The following KCTD1 variants were observed in gnomAD, a reference collection of about 807,000 sequenced individuals.
The protein encoded by KCTD1 is BTB/POZ domain-containing protein KCTD1.
Under a neutral mutation model 66.0 loss-of-function variants are expected in KCTD1, and 24 were observed. That is an observed-to-expected ratio of 0.36 (90% confidence interval 0.26 to 0.51). The LOEUF (loss-of-function observed/expected upper bound fraction) is 0.51, where lower values mean the gene tolerates loss of function less well. KCTD1 is among the 20% of genes least tolerant of loss of function. The probability of loss-of-function intolerance (pLI) is 0.95; values close to 1 mark genes in which losing one functional copy is unlikely to be tolerated. For synonymous variants in KCTD1, 511 were observed against 517.2 expected (o/e 0.99, Z 0.16); for missense variants, 943 against 1,205.2 (o/e 0.78, Z 3.22).
In KCTD1 at chr18:26,546,979, T is replaced by C. The variant is rs1246558994; in HGVS notation, c.1558A>G (p.Ser520Gly). The change falls in exon 1 of 5, where the codon AGC becomes GGC. Residue 520 changes from serine to glycine, a missense_variant. Around this residue, in one of 10 missense-constraint regions of KCTD1, gnomAD observed 197 missense variants for 182.7 expected, o/e 1.08. Transcript: ENST00000580059. ...GATTTCACGTCGGGCCCGACCTGGC[T>C]GTCTTTGGGGAGGATGTAAGTGTTC... ...LGNTYILPKD[S>G]QVGPDVKSEA... 6.8e-7 allele frequency: 1 copy of C among 1,471,350 alleles called. No homozygotes were observed. Among genetic ancestry groups the C allele is most frequent in the South Asian group, 1.4e-5 (1 of 72,556 alleles). 91.1% of individuals were successfully genotyped at this position (1,471,350 alleles called of 1,614,324 possible). A position where few individuals can be genotyped will look rare whatever the true frequency, so the allele number is the denominator to read the frequency against.
intron 1 of KCTD1, among the ~76,000 whole-genome samples, chr18:26,585,938 G>T (rs1193126174): frequency 3.3e-5 from 5 of 152,158 alleles, no homozygotes; most frequent in Admixed American, 1.3e-4. Context: ...TATAGTCCTA[G>T]CTACCTGGCA....
intron 1 of KCTD1, among the ~76,000 whole-genome samples, chr18:26,592,919 A>G (rs1986641972): frequency 1.3e-5 from 2 of 152,254 alleles, no homozygotes; most frequent in South Asian, 4.1e-4. Context: ...GTGACATAGT[A>G]TTTTGCAGGA....
rs1387592626 is a variant in KCTD1, at chr18:26,562,438, G to A, written c.-15-61188C>T. 5.8e-5 allele frequency among the ~76,000 whole-genome samples: 8 copies of A among 137,410 alleles called. No homozygotes were observed. In the East Asian group the frequency reaches 1.8e-3, roughly 32 times the overall value. 90.1% of individuals were successfully genotyped at this position (137,410 alleles called of 152,430 possible). On this transcript the variant is annotated intron_variant, in intron 1 of 4. Transcript: ENST00000317932. ...GTGTGAAGCCCGGTGGGGGGTGGGG[G>A]GGTGGGGGCGGGGGGTTCTCCCTAT...
intron 4 of KCTD1, chr18:26,459,387 C>T: frequency 2.1e-6 from 1 of 479,974 alleles, no homozygotes; most frequent in Non-Finnish European, 3.6e-6. Flanking sequence ...CCGTGCCCAG[C>T]TGTCGTGTTC....
At chr18:26,507,058 C>T (rs903157135) in intron 1 of KCTD1, among the ~76,000 whole-genome samples, 17 of 152,146 alleles carry the variant, frequency 1.1e-4, no homozygotes, top group South Asian at 4.2e-4. Context: ...CCCAGCTACT[C>T]GGGAGGCGGA....
chr18:26,461,903 G>A (rs59392079), intron 3 of KCTD1, among the ~76,000 whole-genome samples: 78,247 of 152,014 alleles, frequency 0.51, 23,824 homozygotes, highest in East Asian at 0.89. Context: ...ATTATCTGAG[G>A]TCAGGAGTCT....
intron 1 of KCTD1, among the ~76,000 whole-genome samples, chr18:26,636,204 G>A (rs1465337181): frequency 6.6e-6 from 1 of 152,216 alleles, no homozygotes; most frequent in Non-Finnish European, 1.5e-5. Context: ...TTAGTCAGAA[G>A]AGGGGGGAGT....
chr18:26,503,014 C>T (rs1181483068), intron 1 of KCTD1, among the ~76,000 whole-genome samples: 1 of 152,218 alleles, frequency 6.6e-6, no homozygotes, highest in Admixed American at 6.5e-5. Flanking sequence ...AATGCACATG[C>T]TTTCTGAAGC....
chr18:26,531,472 C>G (rs1984431215), intron 1 of KCTD1, among the ~76,000 whole-genome samples: 2 of 152,124 alleles, frequency 1.3e-5, no homozygotes. Context: ...ACCCTTAAAA[C>G]ATATAAATCC....
intron 1 of KCTD1, among the ~76,000 whole-genome samples, chr18:26,628,764 T>C (rs1441221854): frequency 6.6e-6 from 1 of 152,070 alleles, no homozygotes; most frequent in African/African-American, 2.4e-5. Context: ...GGGTATGGGG[T>C]GGAGTTATAA....
At chr18:26,643,611 A>G (rs1168418796), upstream of KCTD1, among the ~76,000 whole-genome samples, 1 of 152,244 alleles carries the variant, frequency 6.6e-6, no homozygotes, top group Non-Finnish European at 1.5e-5. Flanking sequence ...AAAGAGATCT[A>G]GAACAGCCTC....
chr18:26,657,225 G>A (rs1370983656), intron 1 of KCTD1: 7 of 635,504 alleles, frequency 1.1e-5, no homozygotes, highest in Non-Finnish European at 1.4e-5. Flanking sequence ...GTCGCCCGCC[G>A]CGGCGGGCGG....
In KCTD1 at chr18:26,573,053, G is replaced by A. The variant is rs534914282; in HGVS notation, c.-16+56094C>T. ...CTTTTTTTTTTTGAGACAGAGTCTC[G>A]CTCTGTCACCTAGGCTGGAGTGCAA... On this transcript the variant is annotated intron_variant, in intron 1 of 4. Coordinates refer to the KCTD1 transcript ENST00000317932. Among the ~76,000 whole-genome samples the A allele has an allele frequency of 4.0e-5, 6 of 149,942 alleles. No homozygotes were observed. In the South Asian group the frequency reaches 1.3e-3, roughly 32 times the overall value.
intron 1 of KCTD1, among the ~76,000 whole-genome samples, chr18:26,589,453 C>A (rs1046007067): frequency 6.6e-6 from 1 of 152,100 alleles, no homozygotes; most frequent in African/African-American, 2.4e-5. Context: ...GTAACTGGAG[C>A]AAAGGGGCAT....
intron 2 of KCTD1, among the ~76,000 whole-genome samples, chr18:26,490,821 C>T (rs373574277): frequency 2.7e-5 from 4 of 150,442 alleles, no homozygotes; most frequent in East Asian, 3.9e-4. Context: ...AGTGTGATCT[C>T]GGCTCACTGC....
chr18:26,517,658 CAAAAAAAAA>C (rs968619785), intron 1 of KCTD1, among the ~76,000 whole-genome samples: 2 of 53,408 alleles, frequency 3.7e-5, no homozygotes, highest in African/African-American at 1.7e-4. Flanking sequence ...ACTCCGTCTC[CAAAAAAAAA>C]AAAAAAAAAA....
At chr18:26,484,653 T>A (rs1353492640) in intron 2 of KCTD1, among the ~76,000 whole-genome samples, 1 of 152,178 alleles carries the variant, frequency 6.6e-6, no homozygotes, top group Non-Finnish European at 1.5e-5. Flanking sequence ...AGTAGACTTT[T>A]TGTTTCTTCA....
At chr18:26,624,028 G>C (rs1221506516) in intron 1 of KCTD1, among the ~76,000 whole-genome samples, 2 of 152,238 alleles carry the variant, frequency 1.3e-5, no homozygotes, top group Admixed American at 1.3e-4. Flanking sequence ...GATGATTCTT[G>C]CTATGCTTTA....
At chr18:26,479,416 C>G (rs981817926) in intron 2 of KCTD1, among the ~76,000 whole-genome samples, 1 of 152,336 alleles carries the variant, frequency 6.6e-6, no homozygotes, top group African/African-American at 2.4e-5. Flanking sequence ...AAACCGCAGA[C>G]CCCCCGCCAG....
Sources: allele counts gnomAD v4.1 joint callset (sites outside exome capture counted in the v4.1 genomes callset), GRCh38; gene constraint gnomAD v4.1.1; regional missense constraint gnomAD v4.1.1; transcripts MANE v1.5; gene names NCBI Gene and HGNC (gene_info 2026-07-23, HGNC 2026-07-21).